GPC3: variants seen among roughly 807,000 people sequenced by gnomAD.
GPC3 encodes glypican-3.
Under a neutral mutation model 34.4 loss-of-function variants are expected in GPC3, and 3 were observed. That is an observed-to-expected ratio of 0.09 (90% CI 0.04 to 0.23). The LOEUF (loss-of-function observed/expected upper bound fraction) is 0.23, where lower values mean the gene tolerates loss of function less well. Ranked by LOEUF, GPC3 falls within the 10% of genes least tolerant of loss-of-function variation. The pLI, the probability that GPC3 is intolerant of heterozygous loss-of-function variation, is 1.00. For synonymous variants in GPC3, 177 were observed against 174.0 expected (o/e 1.02, Z -0.13); for missense variants, 351 against 445.6 (o/e 0.79, Z 1.91).
At chrX:133,653,550 G>A (rs1228710297) in intron 6 of GPC3, among the ~76,000 whole-genome samples, 1 of 111,646 alleles carries the variant, frequency 9.0e-6, no homozygotes, top group Non-Finnish European at 1.9e-5. Flanking sequence ...GACTCTGTGA[G>A]TGGGTAAAAG....
intron 7 of GPC3, among the ~76,000 whole-genome samples, chrX:133,582,484 C>T (rs2124313837): frequency 8.9e-6 from 1 of 111,922 alleles, no homozygotes; most frequent in African/African-American, 3.2e-5. Context: ...AATGTGTGGG[C>T]TACTGCTCTG....
intron 6 of GPC3, among the ~76,000 whole-genome samples, chrX:133,648,391 C>A (rs1194122842): frequency 9.0e-6 from 1 of 110,701 alleles, no homozygotes; most frequent in Non-Finnish European, 1.9e-5. Context: ...AGATTGGATA[C>A]CCCTTCCATT....
intron 2 of GPC3, among the ~76,000 whole-genome samples, chrX:133,754,402 A>C (rs144120967): frequency 8.6e-4 from 96 of 112,083 alleles, no homozygotes; most frequent in African/African-American, 2.8e-3. Flanking sequence ...TCTGATGTGC[A>C]CATAAATTCT....
At position 133,672,630 on chromosome X, in the gene GPC3, C is replaced by T. The variant is rs934061090; in HGVS notation, c.1293-10780G>A. On this transcript the variant is annotated intron_variant, in intron 5 of 7. Coordinates refer to ENST00000370818, the MANE Select transcript of GPC3 (RefSeq NM_004484.4). ...CTACTCAAGCTAAACCAAAAGGACA[C>T]GATCTTTACCTGGTGTGTTTGTTTG... 6.3e-5 allele frequency among the ~76,000 whole-genome samples: 7 copies of T among 111,559 alleles called. No homozygotes were observed. In the East Asian group the frequency reaches 8.4e-4, roughly 13 times the overall value.
chrX:133,788,088 T>TTTTATATATA (rs1291090668), intron 2 of GPC3, among the ~76,000 whole-genome samples: 25 of 64,913 alleles, frequency 3.9e-4, no homozygotes, highest in African/African-American at 1.5e-3. Context: ...TCATATTATT[T>TTTTATATATA]TATATATATA....
At chrX:133,897,742 C>A (rs2124596590) in intron 2 of GPC3, among the ~76,000 whole-genome samples, 1 of 111,133 alleles carries the variant, frequency 9.0e-6, no homozygotes, top group East Asian at 2.9e-4. Context: ...CCTTGACACC[C>A]AAGTAGGGGT....
intron 5 of GPC3, among the ~76,000 whole-genome samples, chrX:133,675,656 C>T (rs897685397): frequency 8.9e-6 from 1 of 111,967 alleles, no homozygotes; most frequent in African/African-American, 3.3e-5. Flanking sequence ...AACCTGTTGC[C>T]CCTGGGGCCT....
intron 7 of GPC3, among the ~76,000 whole-genome samples, chrX:133,558,204 T>C (rs2069507606): frequency 9.0e-6 from 1 of 111,112 alleles, no homozygotes; most frequent in Admixed American, 9.5e-5. Context: ...CCCTTTTGAC[T>C]AACAACAAGG....
chrX:133,936,829 A>G (rs2076325458), intron 2 of GPC3, among the ~76,000 whole-genome samples: 1 of 112,087 alleles, frequency 8.9e-6, no homozygotes, highest in Non-Finnish European at 1.9e-5. Context: ...TGTAAATAAC[A>G]ATAAATAACC....
At chrX:133,982,710 T>C (rs1428641887) in intron 1 of GPC3, among the ~76,000 whole-genome samples, 1 of 112,051 alleles carries the variant, frequency 8.9e-6, no homozygotes, top group Non-Finnish European at 1.9e-5. Context: ...CTGAATCTCA[T>C]TTGATCTGGG....
At position 133,744,144 on chromosome X, in the gene GPC3, A is replaced by G. The variant is rs145014196; in HGVS notation, c.1032+9338T>C. 8.0e-3 allele frequency among the ~76,000 whole-genome samples: 895 copies of G among 112,079 alleles called. 3 individuals are homozygous for G. The highest frequency in any genetic ancestry group is 0.032 in the Middle Eastern group (7 of 217). On this transcript the variant is annotated intron_variant, in intron 3 of 7. Transcript: ENST00000370818. ...TAAAACACCAAAAGCAATGACAACAAAAGCCAAAATTGACATATGGGATCT... is the reference window on the plus strand; with the variant it reads ...TAAAACACCAAAAGCAATGACAACAGAAGCCAAAATTGACATATGGGATCT...
intron 1 of GPC3, among the ~76,000 whole-genome samples, chrX:133,983,267 C>T (rs1184640525): frequency 1.8e-5 from 2 of 112,080 alleles, no homozygotes; most frequent in Non-Finnish European, 3.8e-5. Context: ...TGATGAAAAC[C>T]CTTGAAAAGT....
chrX:133,580,303 G>C (rs1251362665), intron 7 of GPC3, among the ~76,000 whole-genome samples: 1 of 111,723 alleles, frequency 9.0e-6, no homozygotes, highest in Non-Finnish European at 1.9e-5. Context: ...CCCCTTGGAG[G>C]CACTGACCTT....
chrX:133,797,256 T>G (rs1378494789), intron 2 of GPC3, among the ~76,000 whole-genome samples: 1 of 111,195 alleles, frequency 9.0e-6, no homozygotes, highest in Non-Finnish European at 1.9e-5. Context: ...TCTCCCCACC[T>G]AGACTTTGAA....
intron 2 of GPC3, among the ~76,000 whole-genome samples, chrX:133,756,060 A>G (rs1189069355): frequency 2.7e-5 from 3 of 112,486 alleles, no homozygotes; most frequent in Non-Finnish European, 5.6e-5. Flanking sequence ...AGTATTCACA[A>G]GCTATATGGT....
intron 1 of GPC3, among the ~76,000 whole-genome samples, chrX:133,960,857 G>A (rs1432467523): frequency 1.8e-5 from 2 of 111,048 alleles, no homozygotes; most frequent in African/African-American, 6.5e-5. Context: ...AGGATTAAGT[G>A]CAGGTTGCTC....
chrX:133,567,363 A>T (rs1254107030), intron 7 of GPC3, among the ~76,000 whole-genome samples: 1 of 112,544 alleles, frequency 8.9e-6, no homozygotes, highest in African/African-American at 3.2e-5. Flanking sequence ...CACACGTTTT[A>T]AAATTATGGC....
chrX:133,687,150 G>A (rs6638118), intron 5 of GPC3, among the ~76,000 whole-genome samples: 19 of 87,931 alleles, frequency 2.2e-4, no homozygotes, highest in Non-Finnish European at 3.4e-4. Flanking sequence ...CACCGTGTTA[G>A]CCAGGATGGT....
intron 2 of GPC3, among the ~76,000 whole-genome samples, chrX:133,935,409 C>T (rs898111351): frequency 1.8e-5 from 2 of 111,327 alleles, no homozygotes; most frequent in Non-Finnish European, 3.8e-5. Context: ...CTTGGACTGA[C>T]ACAGAAAGAA....
Sources: allele counts gnomAD v4.1 joint callset (sites outside exome capture counted in the v4.1 genomes callset), GRCh38; gene constraint gnomAD v4.1.1; transcripts MANE v1.5; gene names NCBI Gene and HGNC (gene_info 2026-07-23, HGNC 2026-07-21).